SESN1: variants seen among roughly 807,000 people sequenced by gnomAD.
SESN1 encodes sestrin 1.
In SESN1, 30 loss-of-function variants were observed where a neutral mutation model predicts 59.3. The ratio of observed to expected loss-of-function variants is 0.51; its 90% CI spans 0.38 to 0.69. The LOEUF (loss-of-function observed/expected upper bound fraction) is 0.69. Among genes scored for constraint, SESN1 ranks in the 30% least tolerant of loss-of-function variants. SESN1 has a pLI of 0.00. For missense variants in SESN1, 566 were observed against 673.0 expected (o/e 0.84, Z 1.76); for synonymous variants, 197 against 219.9 (o/e 0.90, Z 0.92).
At chr6:109,066,630 G>C (rs1270218203) in intron 1 of SESN1, among the ~76,000 whole-genome samples, 1 of 152,126 alleles carries the variant, frequency 6.6e-6, no homozygotes, top group Non-Finnish European at 1.5e-5. Flanking sequence ...CTGTTTTCAA[G>C]TATGTGTGAT....
intron 1 of SESN1, among the ~76,000 whole-genome samples, chr6:109,071,651 A>G (rs1350152143): frequency 6.6e-6 from 1 of 152,168 alleles, no homozygotes; most frequent in Non-Finnish European, 1.5e-5. Flanking sequence ...TTTAACCTGT[A>G]AACTGCCAGG....
chr6:109,038,956 G>A (rs1237625555), intron 1 of SESN1, among the ~76,000 whole-genome samples: 1 of 149,066 alleles, frequency 6.7e-6, no homozygotes, highest in Non-Finnish European at 1.5e-5. Context: ...AAAGAAGGGA[G>A]AAGGGAGAAG....
intron 1 of SESN1, among the ~76,000 whole-genome samples, chr6:109,030,262 A>G (rs760344885): frequency 9.9e-5 from 15 of 152,230 alleles, no homozygotes; most frequent in Non-Finnish European, 2.1e-4. Flanking sequence ...GAGAGATATG[A>G]CAATCAAGAA....
At chr6:109,027,080 G>A (rs201368577) in intron 1 of SESN1, among the ~76,000 whole-genome samples, 2 of 152,266 alleles carry the variant, frequency 1.3e-5, no homozygotes, top group East Asian at 3.9e-4. Flanking sequence ...TGAGGCACGA[G>A]AATCGCTTGA....
rs1412877030 is a variant in SESN1 at position 109,046,884 on chromosome 6, C to T, written c.280-44541G>A. Among the ~76,000 whole-genome samples, 21 of 124,952 alleles carry T rather than the reference C, an allele frequency of 1.7e-4. No individual in the cohort carries two copies. The South Asian group carries it at 2.2e-3, about 13-fold the overall frequency. 82.0% of individuals were successfully genotyped at this position (124,952 alleles called of 152,430 possible). A position where few individuals can be genotyped will look rare whatever the true frequency, so the allele number is the denominator to read the frequency against. ...ATGAGAAGTGAGGAGCCCCTCCGTC[C>T]GGCAGCTGCCCCGTCTGAGAAGTGA... is the stretch of plus-strand genomic sequence containing the variant. On this transcript the variant is annotated intron_variant, in intron 1 of 9. Coordinates refer to ENST00000436639, the MANE Select transcript of SESN1 (RefSeq NM_014454.3).
chr6:109,088,592 C>T (rs1465750524), intron 1 of SESN1, among the ~76,000 whole-genome samples: 3 of 152,082 alleles, frequency 2.0e-5, no homozygotes, highest in Non-Finnish European at 4.4e-5. Context: ...AATTTACTTT[C>T]AGACAATATT....
intron 1 of SESN1, among the ~76,000 whole-genome samples, chr6:109,056,463 C>T (rs1041796255): frequency 2.0e-5 from 3 of 152,176 alleles, no homozygotes; most frequent in East Asian, 1.9e-4. Context: ...CTAGAAGATG[C>T]ATCATTAACT....
chr6:109,000,473 T>G lies in SESN1; in HGVS notation c.729+18A>C. ...AAAGTCTGAAATGACTCCCAAGATA[T>G]ATTACCCCACTGCTTACCTCAATGT... On this transcript the variant is annotated intron_variant, in intron 4 of 9. Coordinates refer to ENST00000436639, the MANE Select transcript of SESN1 (RefSeq NM_014454.3). The G allele has an allele frequency of 6.7e-7, 1 of 1,491,986 alleles. No homozygotes were observed. Among genetic ancestry groups the G allele is most frequent in the Non-Finnish European group, 9.0e-7 (1 of 1,116,566 alleles). The allele number at this position is 1,491,986 out of a possible 1,614,324, so 92.4% of individuals were successfully genotyped here.
intron 1 of SESN1, among the ~76,000 whole-genome samples, chr6:109,055,998 A>C (rs530402210): frequency 6.6e-6 from 1 of 152,336 alleles, no homozygotes; most frequent in Non-Finnish European, 1.5e-5. Flanking sequence ...AGTAACCTAA[A>C]ATTTCCTCAC....
At chr6:109,067,497 T>G (rs1780854365) in intron 1 of SESN1, among the ~76,000 whole-genome samples, 1 of 152,206 alleles carries the variant, frequency 6.6e-6, no homozygotes, top group African/African-American at 2.4e-5. Flanking sequence ...AAAAAAGGAA[T>G]GTAAGCTTTT....
At chr6:108,994,849 C>T (rs1303177162) in intron 5 of SESN1, among the ~76,000 whole-genome samples, 1 of 151,888 alleles carries the variant, frequency 6.6e-6, no homozygotes, top group African/African-American at 2.4e-5. Context: ...ACTACAGGTG[C>T]CTGCCACCAT....
intron 1 of SESN1, among the ~76,000 whole-genome samples, chr6:109,030,631 G>C (rs1008946886): frequency 6.6e-6 from 1 of 152,130 alleles, no homozygotes; most frequent in Non-Finnish European, 1.5e-5. Flanking sequence ...AAAAAAATAA[G>C]TCTGGAATCT....
At chr6:109,006,961 T>C (rs1432855710) in intron 1 of SESN1, among the ~76,000 whole-genome samples, 1 of 152,232 alleles carries the variant, frequency 6.6e-6, no homozygotes, top group African/African-American at 2.4e-5. Context: ...GAGACAGAAC[T>C]GCCACCAACA....
intron 1 of SESN1, among the ~76,000 whole-genome samples, chr6:109,030,003 A>G (rs1170116362): frequency 2.0e-5 from 3 of 152,170 alleles, no homozygotes; most frequent in African/African-American, 7.2e-5. Context: ...ACGGTACCCA[A>G]CCCTCAAAAT....
At chr6:108,991,228 AGTGT>A (rs112709389) in intron 7 of SESN1, among the ~76,000 whole-genome samples, 18,870 of 148,010 alleles carry the variant, frequency 0.13, 1,262 homozygotes, top group Middle Eastern at 0.23. Context: ...TCAAATTATG[AGTGT>A]GTGTGTGTGT....
chr6:109,008,638 T>C (rs1221641757), intron 1 of SESN1: 1 of 282,084 alleles, frequency 3.5e-6, no homozygotes, highest in East Asian at 1.8e-4. Context: ...CAGCACCTGA[T>C]TTCAATCCAA....
At chr6:108,997,864 C>T (rs1042286956) in intron 5 of SESN1, among the ~76,000 whole-genome samples, 8 of 152,076 alleles carry the variant, frequency 5.3e-5, no homozygotes, top group African/African-American at 1.9e-4. Flanking sequence ...TCATCATATA[C>T]AGGAATTAAA....
intron 1 of SESN1, among the ~76,000 whole-genome samples, chr6:109,052,788 G>A (rs556967198): frequency 1.3e-5 from 2 of 151,968 alleles, no homozygotes; most frequent in East Asian, 1.9e-4. Context: ...GTTTTGAGAC[G>A]AGACAGAATA....
At chr6:109,074,758 A>T (rs183557568) in intron 1 of SESN1, among the ~76,000 whole-genome samples, 2 of 152,328 alleles carry the variant, frequency 1.3e-5, no homozygotes, top group East Asian at 3.9e-4. Flanking sequence ...TTCCCCTCAA[A>T]TCATAGACAC....
Sources: gnomAD v4.1 joint callset for allele counts (sites outside exome capture counted in the v4.1 genomes callset) on GRCh38, gnomAD v4.1.1 for gene constraint, MANE v1.5 for transcripts, NCBI Gene and HGNC (gene_info 2026-07-23, HGNC 2026-07-21) for gene names.